The following DSCAM variants were observed in gnomAD, a reference collection of about 807,000 sequenced individuals.
DSCAM encodes the protein cell adhesion molecule DSCAM.
A neutral mutation model predicts 217.7 loss-of-function variants in DSCAM; 47 were observed. The observed-to-expected ratio is 0.22, with a 90% confidence interval of 0.17 to 0.28. The LOEUF (loss-of-function observed/expected upper bound fraction) is 0.28, where lower values mean the gene tolerates loss of function less well. Among genes scored for constraint, DSCAM ranks in the 10% least tolerant of loss-of-function variants. The pLI is 1.00. For synonymous variants in DSCAM, 1,056 were observed against 1,015.3 expected (o/e 1.04, Z -0.76); for missense variants, 2,080 against 2,618.3 (o/e 0.79, Z 4.49).
At chr21:40,415,036 G>T (rs775930847) in intron 3 of DSCAM, among the ~76,000 whole-genome samples, 3 of 152,174 alleles carry the variant, frequency 2.0e-5, no homozygotes, top group Non-Finnish European at 4.4e-5. Flanking sequence ...GAAAGAAGGT[G>T]TGATTCCATG....
intron 3 of DSCAM, among the ~76,000 whole-genome samples, chr21:40,459,283 T>C (rs771390314): frequency 1.2e-4 from 18 of 151,804 alleles, no homozygotes; most frequent in Non-Finnish European, 2.7e-4. Flanking sequence ...AATCAGATAG[T>C]GATGAAATTA....
intron 1 of DSCAM, among the ~76,000 whole-genome samples, chr21:40,842,080 G>T (rs951898552): frequency 2.6e-5 from 4 of 152,136 alleles, no homozygotes; most frequent in Non-Finnish European, 1.5e-5. Flanking sequence ...TGGCGGCTGG[G>T]TTTGCTGGCT....
intron 3 of DSCAM, among the ~76,000 whole-genome samples, chr21:40,630,260 C>T (rs1364293765): frequency 1.3e-5 from 2 of 152,160 alleles, no homozygotes; most frequent in Middle Eastern, 6.3e-3. Flanking sequence ...GAAATGCATG[C>T]ATTGTTGGAT....
At chr21:40,067,875 C>T (rs1419413622) in intron 27 of DSCAM, among the ~76,000 whole-genome samples, 2 of 151,662 alleles carry the variant, frequency 1.3e-5, no homozygotes, top group Non-Finnish European at 1.5e-5. Flanking sequence ...GAGCAGCTCT[C>T]CTGTCTACCT....
At chr21:40,577,254 A>C in intron 3 of DSCAM, among the ~76,000 whole-genome samples, 1 of 151,882 alleles carries the variant, frequency 6.6e-6, no homozygotes, top group Admixed American at 6.6e-5. Flanking sequence ...AAAAAAAAAA[A>C]AAAGAGTCCT....
At chr21:40,549,318 G>A (rs1029355770) in intron 3 of DSCAM, among the ~76,000 whole-genome samples, 1 of 152,178 alleles carries the variant, frequency 6.6e-6, no homozygotes, top group African/African-American at 2.4e-5. Context: ...TGTTGACTGA[G>A]TTCCAAACAG....
At chr21:40,067,732 C>A in intron 27 of DSCAM, among the ~76,000 whole-genome samples, 1 of 42,912 alleles carries the variant, frequency 2.3e-5, no homozygotes, top group Non-Finnish European at 4.7e-5. Context: ...TCATTCCCTC[C>A]CTCCCCTCAT....
At chr21:40,333,342 T>A (rs2074396073) in intron 8 of DSCAM, among the ~76,000 whole-genome samples, 1 of 152,228 alleles carries the variant, frequency 6.6e-6, no homozygotes, top group African/African-American at 2.4e-5. Context: ...TATATTAATA[T>A]TTCATTTAAA....
intron 3 of DSCAM, among the ~76,000 whole-genome samples, chr21:40,428,722 G>T (rs763165902): frequency 2.2e-4 from 33 of 152,056 alleles, no homozygotes; most frequent in Admixed American, 5.2e-4. Context: ...CATATTTAGT[G>T]TCGTGGGGCT....
rs187937888 is a variant in DSCAM at position 40,272,668 on chromosome 21, C to A, written c.2356+3429G>T. Among the ~76,000 whole-genome samples the A allele has an allele frequency of 3.4e-3, 515 of 152,296 alleles. 1 individual carries two copies. Among genetic ancestry groups the A allele is most frequent in the African/African-American group, 0.011 (467 of 41,558 alleles). The stretch of plus-strand genomic sequence containing the variant: ...AGTTTGGGTCTTTAAATTATGTTTA[C>A]AGCCAGCACCAGGCCATCCTGGGAG... On this transcript the variant is annotated intron_variant, in intron 11 of 32. Coordinates refer to ENST00000400454, the MANE Select transcript of DSCAM (RefSeq NM_001389.5).
chr21:40,658,980 C>T (rs765826545), intron 3 of DSCAM, among the ~76,000 whole-genome samples: 2 of 152,070 alleles, frequency 1.3e-5, no homozygotes, highest in African/African-American at 4.8e-5. Flanking sequence ...AATGAGGCTT[C>T]GTCTTCAAGC....
Position 40,593,386 on chromosome 21 carries a change from CATG to C in DSCAM, c.508+99421_508+99423del, listed in dbSNP as rs1484608112. ...TGTCGCACAGGCTGGCAGGCAGTGG[CATG>C]ATCTCAGCTCACTGCAACCTCTGCC... On this transcript the variant is annotated intron_variant, in intron 3 of 32. Coordinates refer to ENST00000400454, the MANE Select transcript of DSCAM (RefSeq NM_001389.5). Among the ~76,000 whole-genome samples the C allele has an allele frequency of 1.1e-4, 17 of 151,528 alleles. 1 individual carries two copies. The highest frequency in any genetic ancestry group is 4.2e-4 in the South Asian group (2 of 4,808).
intron 1 of DSCAM, among the ~76,000 whole-genome samples, chr21:40,768,221 A>G (rs1227975682): frequency 6.6e-6 from 1 of 151,640 alleles, no homozygotes; most frequent in East Asian, 1.9e-4. Context: ...ACAGGTGGCC[A>G]GTCACCCCCT....
At chr21:40,479,897 T>A (rs2075967623) in intron 3 of DSCAM, among the ~76,000 whole-genome samples, 1 of 152,236 alleles carries the variant, frequency 6.6e-6, no homozygotes, top group Non-Finnish European at 1.5e-5. Context: ...TATGTGTGTG[T>A]ACATGCGTAT....
Position 40,319,437 on chromosome 21 carries a change from A to ATG in DSCAM, c.1784-7080_1784-7079dup, listed in dbSNP as rs536367981. Among the ~76,000 whole-genome samples the ATG allele has an allele frequency of 1.5e-3, 220 of 151,592 alleles. 6 individuals carry two copies. The South Asian group carries it at 0.039, about 27-fold the overall frequency. ...AAGGCTAAATAATGTTCGTGTGTGC[A>ATG]TGTGTGTGTGTGTGTATGTGTGTGT... is the stretch of plus-strand genomic sequence containing the variant. On this transcript the variant is annotated intron_variant, in intron 8 of 32. Coordinates refer to ENST00000400454, the MANE Select transcript of DSCAM (RefSeq NM_001389.5).
intron 3 of DSCAM, among the ~76,000 whole-genome samples, chr21:40,576,965 T>C (rs2076855952): frequency 1.3e-5 from 2 of 150,708 alleles, no homozygotes; most frequent in African/African-American, 2.4e-5. Flanking sequence ...ATGCACGTCA[T>C]GCACATGTAC....
At chr21:40,613,416 GTGTT>G (rs2146282566) in intron 3 of DSCAM, among the ~76,000 whole-genome samples, 1 of 152,138 alleles carries the variant, frequency 6.6e-6, no homozygotes, top group East Asian at 1.9e-4. Context: ...ATTTTCATTT[GTGTT>G]TATCTATAGT....
chr21:40,059,634 T>G (rs548698511), intron 28 of DSCAM, among the ~76,000 whole-genome samples: 1 of 152,360 alleles, frequency 6.6e-6, no homozygotes, highest in African/African-American at 2.4e-5. Flanking sequence ...AAATAAATGT[T>G]ACATCCATTT....
In DSCAM at chr21:40,358,802, GA is replaced by G. The variant is rs199807503; in HGVS notation, c.656-5060del. On this transcript the variant is annotated intron_variant, in intron 4 of 32. Transcript: ENST00000400454. Reference sequence around the variant, plus strand: ...GGGCAACAAAGCAAGACTCCATCTCGAAAAAAAAAAAAAAAAATTAAGAACT... The same window carrying G: ...GGGCAACAAAGCAAGACTCCATCTCGAAAAAAAAAAAAAAAATTAAGAACT... 8.0e-3 allele frequency among the ~76,000 whole-genome samples: 768 copies of G among 96,592 alleles called. 4 individuals carry two copies. Among genetic ancestry groups the G allele is most frequent in the African/African-American group, 0.014 (395 of 28,686 alleles). The allele number at this position is 96,592 out of a possible 152,430, so 63.4% of individuals were successfully genotyped here.
Sources: gnomAD v4.1 joint callset for allele counts (sites outside exome capture counted in the v4.1 genomes callset) on GRCh38, gnomAD v4.1.1 for gene constraint, MANE v1.5 for transcripts, NCBI Gene and HGNC (gene_info 2026-07-23, HGNC 2026-07-21) for gene names.